SRPK2: variants seen among roughly 807,000 people sequenced by gnomAD.
SRPK2 encodes the protein SFRS protein kinase 2.
In SRPK2, 21 loss-of-function variants were observed where a neutral mutation model predicts 90.8. The observed-to-expected ratio is 0.23, with a 90% CI of 0.16 to 0.33. The LOEUF (loss-of-function observed/expected upper bound fraction) is 0.33. SRPK2 is among the 10% of genes least tolerant of loss of function. The pLI, the probability that SRPK2 is intolerant of heterozygous loss-of-function variation, is 1.00. For synonymous variants in SRPK2, 288 were observed against 311.1 expected, an observed-to-expected ratio of 0.93 and a Z score of 0.78; for missense variants, 620 against 869.0, an observed-to-expected ratio of 0.71 and a Z score of 3.60.
At chr7:105,266,950 T>A (rs1805175173) in intron 2 of SRPK2, among the ~76,000 whole-genome samples, 1 of 152,190 alleles carries the variant, frequency 6.6e-6, no homozygotes. Context: ...CTTCTATGTT[T>A]GCAAAGTGTT....
At chr7:105,228,596 G>C (rs763293462) in intron 2 of SRPK2, among the ~76,000 whole-genome samples, 1 of 152,258 alleles carries the variant, frequency 6.6e-6, no homozygotes, top group Non-Finnish European at 1.5e-5. Context: ...ACACACCACC[G>C]TCCGCAGACA....
chr7:105,286,078 T>G (rs1255737959), intron 2 of SRPK2, among the ~76,000 whole-genome samples: 2 of 152,198 alleles, frequency 1.3e-5, no homozygotes, highest in African/African-American at 4.8e-5. Flanking sequence ...ACAAAAAGGC[T>G]AAGCAATTTG....
chr7:105,277,120 A>G (rs1439785182), intron 2 of SRPK2, among the ~76,000 whole-genome samples: 1 of 151,940 alleles, frequency 6.6e-6, no homozygotes, highest in Non-Finnish European at 1.5e-5. Flanking sequence ...TCTGTCGCCC[A>G]GGCTGGAGTG....
At chr7:105,166,539 G>A (rs1441374293) in intron 6 of SRPK2, among the ~76,000 whole-genome samples, 1 of 152,150 alleles carries the variant, frequency 6.6e-6, no homozygotes, top group Non-Finnish European at 1.5e-5. Context: ...ATTATGGCCA[G>A]ACCATGACAA....
intron 2 of SRPK2, among the ~76,000 whole-genome samples, chr7:105,287,269 AAAAAAAAAAAAAAAAG>A (rs1300110494): frequency 1.2e-4 from 16 of 130,230 alleles, no homozygotes; most frequent in Admixed American, 7.4e-4. Context: ...TAAAAAAAAA[AAAAAAAAAAAAAAAAG>A]AAGAAAAGGA....
At chr7:105,270,571 CTAA>C (rs1234073121) in intron 2 of SRPK2, among the ~76,000 whole-genome samples, 2 of 152,084 alleles carry the variant, frequency 1.3e-5, no homozygotes, top group African/African-American at 4.8e-5. Flanking sequence ...CCATACCCAG[CTAA>C]TTTTTTGTCT....
chr7:105,263,470 T>G (rs1392116989), intron 2 of SRPK2, among the ~76,000 whole-genome samples: 1 of 152,138 alleles, frequency 6.6e-6, no homozygotes, highest in East Asian at 1.9e-4. Flanking sequence ...TAATTACAAC[T>G]ACACACAACA....
At position 105,388,781 on chromosome 7, in the gene SRPK2, G is replaced by C. The variant is rs759704553; in HGVS notation, c.16+10C>G. 2 of 1,515,394 alleles carry C rather than the reference G, an allele frequency of 1.3e-6. No homozygotes were observed. The allele number at this position is 1,515,394 out of a possible 1,614,324, so 93.9% of individuals were successfully genotyped here. On this transcript the variant is annotated intron_variant, in intron 1 of 15. Coordinates refer to ENST00000393651, the MANE Select transcript of SRPK2 (RefSeq NM_182692.3). ...CGTGGCGGGGAGAGGGCGCGCCGCG[G>C]GCCACTCACCTTTCCGGGAGCTCAT... is the stretch of plus-strand genomic sequence containing the variant.
rs543582158 is a variant in SRPK2, at chr7:105,298,180, A to G, written c.71+90468T>C. Among the ~76,000 whole-genome samples the G allele has an allele frequency of 5.3e-5, 8 of 151,508 alleles. No individual in the cohort carries two copies. In the East Asian group the frequency reaches 1.4e-3, roughly 26 times the overall value. ...ATTCCCCATTGCCACACTACAACCA[A>G]CTCCTCTCCCACCTCTACCTCTTGG... is the stretch of plus-strand genomic sequence containing the variant. On this transcript the variant is annotated intron_variant, in intron 2 of 15. Transcript: ENST00000393651.
chr7:105,273,706 T>A (rs1806133454), intron 2 of SRPK2, among the ~76,000 whole-genome samples: 1 of 152,216 alleles, frequency 6.6e-6, no homozygotes, highest in South Asian at 2.1e-4. Flanking sequence ...TACTAAAATA[T>A]ATAAATTACT....
chr7:105,251,748 T>C (rs575123979), intron 2 of SRPK2, among the ~76,000 whole-genome samples: 41 of 152,334 alleles, frequency 2.7e-4, no homozygotes, highest in African/African-American at 8.9e-4. Context: ...TAATAATCAT[T>C]AGTAATCACC....
chr7:105,205,922 T>C (rs764614823), intron 2 of SRPK2: 2 of 489,684 alleles, frequency 4.1e-6, no homozygotes, highest in Non-Finnish European at 8.2e-6. Context: ...GAGTACATTC[T>C]CTGAAAACAC....
chr7:105,156,146 G>A (rs1171189136), intron 7 of SRPK2, among the ~76,000 whole-genome samples: 2 of 152,092 alleles, frequency 1.3e-5, no homozygotes, highest in Non-Finnish European at 2.9e-5. Flanking sequence ...ACTTATTACA[G>A]GCTCATAATA....
intron 2 of SRPK2, among the ~76,000 whole-genome samples, chr7:105,295,817 A>G (rs1033735033): frequency 2.0e-5 from 3 of 152,236 alleles, no homozygotes; most frequent in Admixed American, 6.5e-5. Context: ...GGCTCACACA[A>G]TATTTCTCTT....
chr7:105,324,089 C>T (rs1164254678), intron 2 of SRPK2, among the ~76,000 whole-genome samples: 3 of 151,246 alleles, frequency 2.0e-5, no homozygotes, highest in Non-Finnish European at 4.4e-5. Context: ...CTCCACCTCC[C>T]GGGTTCAAGC....
intron 3 of SRPK2, among the ~76,000 whole-genome samples, chr7:105,170,931 AAAGG>A (rs1790937307): frequency 6.1e-5 from 3 of 49,340 alleles, no homozygotes; most frequent in Non-Finnish European, 1.2e-4. Context: ...AGAAAAAGAA[AAAGG>A]AAAGAAAGAA....
At chr7:105,388,741 C>A in intron 1 of SRPK2, 39 bp from the exon 2 acceptor site, 1 of 1,556,634 alleles carries the variant, frequency 6.4e-7, no homozygotes, top group South Asian at 1.2e-5. Flanking sequence ...TCGGGCCGCC[C>A]GCCCGGGCTG....
intron 3 of SRPK2, among the ~76,000 whole-genome samples, chr7:105,185,538 T>C (rs898860593): frequency 1.3e-5 from 2 of 152,078 alleles, no homozygotes; most frequent in African/African-American, 4.8e-5. Flanking sequence ...TATGTTACGT[T>C]CTCTTGTCAA....
chr7:105,153,366 G>C (rs907714224), intron 7 of SRPK2, among the ~76,000 whole-genome samples: 19 of 152,058 alleles, frequency 1.2e-4, no homozygotes, highest in African/African-American at 4.3e-4. Flanking sequence ...TCAAAATAAG[G>C]GGCTTGGTTA....
Sources: allele counts gnomAD v4.1 joint callset (sites outside exome capture counted in the v4.1 genomes callset), GRCh38; gene constraint gnomAD v4.1.1; transcripts MANE v1.5; gene names NCBI Gene and HGNC (gene_info 2026-07-23, HGNC 2026-07-21).